The following ZNF624 variants were observed in gnomAD, a reference collection of about 807,000 sequenced individuals.
The protein encoded by ZNF624 is zinc finger protein 624.
In ZNF624, 43 loss-of-function variants were observed where a neutral mutation model predicts 74.7. The ratio of observed to expected loss-of-function variants is 0.58; its 90% CI spans 0.45 to 0.74. ZNF624 has a LOEUF of 0.74. Ranked by LOEUF, ZNF624 falls within the 30% of genes least tolerant of loss-of-function variation. ZNF624 has a pLI of 0.00. For synonymous variants in ZNF624, 331 were observed against 341.3 expected (o/e 0.97, Z 0.33); for missense variants, 820 against 1,030.0 (o/e 0.80, Z 2.79).
intron 5 of ZNF624, among the ~76,000 whole-genome samples, chr17:16,630,577 A>G (rs1019179788): frequency 6.6e-6 from 1 of 152,166 alleles, no homozygotes; most frequent in Non-Finnish European, 1.5e-5. Context: ...AAAAATTAAC[A>G]ATATACTACC....
Position 16,624,329 on chromosome 17 carries a change from A to G in ZNF624, c.557T>C (p.Leu186Ser). 1 of 1,613,456 alleles carries G rather than the reference A, an allele frequency of 6.2e-7. No individual in the cohort carries two copies. ...LRLQNNQENH[L>S]SQRIIPLKKT... ...CTTGAGTGGAATTATTCTTTGACTC[A>G]AATGATTCTCCTGATTATTTTGTAA... Residue 186 changes from leucine (L) to serine (S), a missense_variant, in exon 6 of 6, where the codon TTG (leucine) becomes TCG (serine). Coordinates refer to ENST00000311331, the MANE Select transcript of ZNF624 (RefSeq NM_020787.4).
intron 5 of ZNF624, among the ~76,000 whole-genome samples, chr17:16,633,585 A>T (rs1909254288): frequency 6.6e-6 from 1 of 152,204 alleles, no homozygotes; most frequent in Non-Finnish European, 1.5e-5. Flanking sequence ...GGGATATTTT[A>T]TGCAAGTTTG....
At chr17:16,616,107 A>G (rs2142554374), downstream of ZNF624, among the ~76,000 whole-genome samples, 1 of 149,976 alleles carries the variant, frequency 6.7e-6, no homozygotes, top group Admixed American at 6.7e-5. Context: ...ATCTAACAAA[A>G]CTTCTACAAT....
rs1176041590 is a variant in ZNF624 at position 16,624,285 on chromosome 17, T to G, written c.601A>C (p.Arg201=). The G allele has an allele frequency of 1.2e-6, 2 of 1,613,932 alleles. No homozygotes were observed. The highest frequency in any genetic ancestry group is 1.3e-5 in the African/African-American group (1 of 74,922). The change falls in exon 6 of 6, where the codon AGA becomes CGA. Residue 201 remains arginine, a synonymous_variant. Coordinates refer to ENST00000311331, the MANE Select transcript of ZNF624 (RefSeq NM_020787.4). ...AGAATAGATTCAAATCTAAAGCCTC[T>G]TTGACTAGTGGGAGTCTTCTTGAGT... is the stretch of plus-strand genomic sequence containing the variant. ...IPLKKTPTSQ[R]GFRFESILIP... is the part of the protein sequence containing the mutation.
At chr17:16,649,609 A>G in intron 2 of ZNF624, 49 bp downstream of exon 2, 3 of 1,546,586 alleles carry the variant, frequency 1.9e-6, no homozygotes, top group Non-Finnish European at 2.7e-6. Context: ...CAAAGTAAAC[A>G]TGCTCTCAAA....
rs748563039 is a variant in ZNF624, at chr17:16,624,551, G to C, written c.377-42C>G. ...AAAAATCAAGTAATTCCTTTCCTAA[G>C]CTGGGGCAATCTCACTAAACAGAAT... On this transcript the variant is annotated intron_variant, in intron 5 of 5. Coordinates refer to ENST00000311331, the MANE Select transcript of ZNF624 (RefSeq NM_020787.4). 5.3e-6 allele frequency: 8 copies of C among 1,500,726 alleles called. No homozygotes were observed. The East Asian group carries it at 1.4e-4, about 25-fold the overall frequency. 93.0% of individuals were successfully genotyped at this position (1,500,726 alleles called of 1,614,324 possible). A position where few individuals can be genotyped will look rare whatever the true frequency, so the allele number is the denominator to read the frequency against.
At chr17:16,639,256 GT>G (rs1909411726) in intron 3 of ZNF624, among the ~76,000 whole-genome samples, 1 of 152,052 alleles carries the variant, frequency 6.6e-6, no homozygotes, top group South Asian at 2.1e-4. Context: ...CCTCTGGGGT[GT>G]TTTTCTACCA....
chr17:16,632,194 C>G (rs1220271613), intron 5 of ZNF624, among the ~76,000 whole-genome samples: 2 of 152,218 alleles, frequency 1.3e-5, no homozygotes, highest in Non-Finnish European at 2.9e-5. Context: ...CAGGTGCACC[C>G]ATCTTCTCCA....
Position 16,624,096 on chromosome 17 carries a change from T to G in ZNF624, c.790A>C (p.Thr264Pro). 2 of 1,614,192 alleles carry G rather than the reference T, an allele frequency of 1.2e-6. No homozygotes were observed. The highest frequency in any genetic ancestry group is 1.7e-6 in the Non-Finnish European group (2 of 1,180,016). The stretch of plus-strand genomic sequence containing the variant: ...TTATTATTGGATTTTTTCCCCAAAG[T>G]TAGTTCTGAAGTCTGCCTTATGGCT... ...SKAIRQTSEL[T>P]LGKKSNNKEK... The change falls in exon 6 of 6, where the codon ACT (threonine) becomes CCT (proline). Residue 264 changes from threonine (T) to proline (P), a missense_variant. Coordinates refer to ENST00000311331, the MANE Select transcript of ZNF624 (RefSeq NM_020787.4).
chr17:16,624,853 C>CAAAAAAAAAAAAAAAAAAAAAAAAAAAAA (rs59170659), intron 5 of ZNF624: 1 of 43,954 alleles, frequency 2.3e-5, no homozygotes, highest in African/African-American at 1.1e-4. Flanking sequence ...CCTGTCTCTA[C>CAAAAAAAAAAAAAAAAAAAAAAAAAAAAA]AAAAAAAAAA....
chr17:16,617,367 A>G, downstream of ZNF624: 1 of 1,613,524 alleles, frequency 6.2e-7, no homozygotes. Context: ...TATTTCTGCC[A>G]TTTATTTCTG....
chr17:16,622,785 A>G lies in ZNF624; in HGVS notation c.2101T>C (p.Cys701Arg), dbSNP rs777604792. The G allele has an allele frequency of 6.2e-7, 1 of 1,613,942 alleles. No homozygotes were observed. Among genetic ancestry groups the G allele is most frequent in the Non-Finnish European group, 8.5e-7 (1 of 1,179,990 alleles). Reference protein sequence around the residue: ...TGEKPYKCNECGKVFTSNSGF... With the variant: ...TGEKPYKCNERGKVFTSNSGF... ...GAGTTACTTGTGAAAACCTTTCCACATTCATTGCATTTATAGGGCTTCTCT... is the reference window on the plus strand; with the variant it reads ...GAGTTACTTGTGAAAACCTTTCCACGTTCATTGCATTTATAGGGCTTCTCT... Residue 701 changes from cysteine to arginine, a missense_variant, in exon 6 of 6, where the codon TGT becomes CGT. By Grantham distance (180) the Cys-to-Arg change is radical. Coordinates refer to ENST00000311331, the MANE Select transcript of ZNF624 (RefSeq NM_020787.4).
rs184411510 is a variant in ZNF624, at chr17:16,640,243, C to T, written c.154-5487G>A. Among the ~76,000 whole-genome samples, 11 of 152,018 alleles carry T rather than the reference C, an allele frequency of 7.2e-5. No homozygotes were observed. In the East Asian group the frequency reaches 7.7e-4, roughly 11 times the overall value. ...TTGAAGGGGCAAAGAGATAATTCAA[C>T]GGTAGTAGCTGGACAAAGTGAAAAC... On this transcript the variant is annotated intron_variant, in intron 3 of 5. Coordinates refer to ENST00000311331, the MANE Select transcript of ZNF624 (RefSeq NM_020787.4).
At chr17:16,646,822 G>C (rs959715732) in intron 3 of ZNF624, among the ~76,000 whole-genome samples, 1 of 152,164 alleles carries the variant, frequency 6.6e-6, no homozygotes, top group Non-Finnish European at 1.5e-5. Flanking sequence ...GGCTTGTTAA[G>C]ACAATGGTCT....
At chr17:16,631,321 G>A (rs115600696) in intron 5 of ZNF624, 1 of 152,084 alleles carries the variant, frequency 6.6e-6, no homozygotes, top group Non-Finnish European at 1.5e-5. Flanking sequence ...AATTCAAGAG[G>A]TTAGAAAAGA....
chr17:16,628,127 G>A (rs1909116996), intron 5 of ZNF624, among the ~76,000 whole-genome samples: 1 of 152,090 alleles, frequency 6.6e-6, no homozygotes, highest in Admixed American at 6.5e-5. Context: ...GCCAGGCATG[G>A]TGGTGCATGC....
Position 16,647,462 on chromosome 17 carries a change from G to T in ZNF624, c.88-68C>A, listed in dbSNP as rs529872648. On this transcript the variant is annotated intron_variant, in intron 2 of 5. Coordinates refer to ENST00000311331, the MANE Select transcript of ZNF624 (RefSeq NM_020787.4). ...ATGACTTACAGCAGAGCCTCAACAA[G>T]CACCACCAATCCACTGTGGATGCAG... 5 of 1,320,148 alleles carry T rather than the reference G, an allele frequency of 3.8e-6. No individual in the cohort carries two copies. The Admixed American group carries it at 8.4e-5, about 22-fold the overall frequency. The allele number at this position is 1,320,148 out of a possible 1,614,324, so 81.8% of individuals were successfully genotyped here.
chr17:16,625,364 TAG>T (rs1209505646), intron 5 of ZNF624, among the ~76,000 whole-genome samples: 1 of 152,146 alleles, frequency 6.6e-6, no homozygotes, highest in East Asian at 1.9e-4. Flanking sequence ...GTATTTTTAG[TAG>T]AGACGGGGTT....
chr17:16,620,421 C>T (rs1908879713), downstream of ZNF624, among the ~76,000 whole-genome samples: 1 of 152,180 alleles, frequency 6.6e-6, no homozygotes, highest in Non-Finnish European at 1.5e-5. Context: ...GCCACTGTGA[C>T]CTTTTCTTTG....
Sources: allele counts gnomAD v4.1 joint callset (sites outside exome capture counted in the v4.1 genomes callset), GRCh38; gene constraint gnomAD v4.1.1; transcripts MANE v1.5; gene names NCBI Gene and HGNC (gene_info 2026-07-23, HGNC 2026-07-21).